Variants in GNG12 observed in about 807,000 individuals in gnomAD.
The protein encoded by GNG12 is guanine nucleotide-binding protein G(I)/G(S)/G(O) subunit gamma-12.
For missense variants in GNG12, 69 were observed against 83.8 expected (o/e 0.82, Z 0.69); for synonymous variants, 28 against 29.7 (o/e 0.94, Z 0.19).
intron 2 of GNG12, among the ~76,000 whole-genome samples, chr1:67,768,835 G>A (rs1646655994): frequency 6.6e-6 from 1 of 152,182 alleles, no homozygotes; most frequent in African/African-American, 2.4e-5. Flanking sequence ...GAGCCTGTTA[G>A]TTATTTCAAA....
At chr1:67,745,109 G>T (rs1002879916) in intron 2 of GNG12, among the ~76,000 whole-genome samples, 2 of 152,214 alleles carry the variant, frequency 1.3e-5, no homozygotes, top group African/African-American at 4.8e-5. Context: ...TTGGCACATG[G>T]TAAATATTTA....
At chr1:67,706,666 T>A (rs1339025346) in intron 3 of GNG12, among the ~76,000 whole-genome samples, 2 of 151,586 alleles carry the variant, frequency 1.3e-5, no homozygotes, top group Non-Finnish European at 2.9e-5. Context: ...CTTTTTTTTT[T>A]TTTTTTGAGA....
At chr1:67,747,663 G>A (rs987131798) in intron 2 of GNG12, among the ~76,000 whole-genome samples, 1 of 152,222 alleles carries the variant, frequency 6.6e-6, no homozygotes, top group African/African-American at 2.4e-5. Flanking sequence ...AATGCTATCT[G>A]CTTCTGGACA....
In GNG12 at chr1:67,704,026, T is replaced by C. The variant is rs529941295; in HGVS notation, c.*1425A>G. On this transcript the variant is annotated 3_prime_UTR_variant, in exon 4 of 4. Transcript: ENST00000370982. Reference sequence around the variant, plus strand: ...CCTAGTGTATGATTTGACTCCGAAGTGACCCTCTCTTCTACTTTGATAAAG... The same window carrying C: ...CCTAGTGTATGATTTGACTCCGAAGCGACCCTCTCTTCTACTTTGATAAAG... 2.6e-5 allele frequency: 4 copies of C among 152,362 alleles called. No individual in the cohort carries two copies. In the East Asian group the frequency reaches 5.8e-4, roughly 22 times the overall value. 9.4% of individuals were successfully genotyped at this position (152,362 alleles called of 1,614,324 possible). A position where few individuals can be genotyped will look rare whatever the true frequency, so the allele number is the denominator to read the frequency against.
intron 2 of GNG12, among the ~76,000 whole-genome samples, chr1:67,729,868 T>C (rs1646408970): frequency 6.6e-6 from 1 of 152,196 alleles, no homozygotes; most frequent in South Asian, 2.1e-4. Context: ...GCCAGATGTA[T>C]CTTCCTAAAA....
chr1:67,809,477 T>C (rs1027093377), intron 1 of GNG12, among the ~76,000 whole-genome samples: 1 of 152,062 alleles, frequency 6.6e-6, no homozygotes, highest in African/African-American at 2.4e-5. Context: ...CCAAAGACAA[T>C]GTCAAGAGAA....
chr1:67,771,384 A>G (rs1002027383), intron 2 of GNG12, among the ~76,000 whole-genome samples: 1 of 152,232 alleles, frequency 6.6e-6, no homozygotes, highest in African/African-American at 2.4e-5. Flanking sequence ...CAACTTGCCC[A>G]GGGTCACGCA....
chr1:67,827,280 C>T (rs1647016373), intron 1 of GNG12, among the ~76,000 whole-genome samples: 1 of 152,186 alleles, frequency 6.6e-6, no homozygotes. Context: ...TTCTGACTCT[C>T]TGGGCCCAAA....
chr1:67,786,387 C>T (rs1021669905), intron 1 of GNG12, among the ~76,000 whole-genome samples: 3 of 151,408 alleles, frequency 2.0e-5, no homozygotes, highest in South Asian at 2.1e-4. Flanking sequence ...CTAAATTGGA[C>T]GGTGGTCCCC....
At chr1:67,764,559 G>C (rs1646624848) in intron 2 of GNG12, among the ~76,000 whole-genome samples, 1 of 152,114 alleles carries the variant, frequency 6.6e-6, no homozygotes, top group Admixed American at 6.5e-5. Flanking sequence ...GCTCAGCATT[G>C]CAATTACCTG....
chr1:67,799,383 C>A (rs1428476952), intron 1 of GNG12, among the ~76,000 whole-genome samples: 1 of 152,180 alleles, frequency 6.6e-6, no homozygotes, highest in Non-Finnish European at 1.5e-5. Context: ...CTTTACTGTA[C>A]TTAGGATAAT....
chr1:67,771,097 C>T (rs917319940), intron 2 of GNG12, among the ~76,000 whole-genome samples: 1 of 152,030 alleles, frequency 6.6e-6, no homozygotes, highest in Non-Finnish European at 1.5e-5. Context: ...AAGTCATGGG[C>T]CTGATCAAGT....
rs1456559275 is a variant in GNG12, at chr1:67,833,451, G to T, written c.-184C>A. 2 of 985,098 alleles carry T rather than the reference G, an allele frequency of 2.0e-6. No individual in the cohort carries two copies. Among genetic ancestry groups the T allele is most frequent in the African/African-American group, 3.5e-5 (2 of 57,072 alleles). The allele number at this position is 985,098 out of a possible 1,614,324, so 61.0% of individuals were successfully genotyped here. On this transcript the variant is annotated 5_prime_UTR_variant, in exon 1 of 4. Coordinates refer to ENST00000370982, the MANE Select transcript of GNG12 (RefSeq NM_018841.6). ...TCCTCCTCCTCTTGCTCCTCCGGGC[G>T]CCGGCTCCGCCTCGCTGGGGTGGGC... is the stretch of plus-strand genomic sequence containing the variant.
intron 1 of GNG12, among the ~76,000 whole-genome samples, chr1:67,788,974 A>G (rs926777901): frequency 6.6e-6 from 1 of 152,216 alleles, no homozygotes; most frequent in African/African-American, 2.4e-5. Flanking sequence ...AGTGAATGAG[A>G]TAAAGGCTAT....
chr1:67,777,884 G>T (rs766941249), intron 1 of GNG12, among the ~76,000 whole-genome samples: 4 of 152,118 alleles, frequency 2.6e-5, no homozygotes, highest in Admixed American at 1.3e-4. Context: ...AATACTGGTG[G>T]TCCAACATAA....
At position 67,818,508 on chromosome 1, in the gene GNG12, A is replaced by T. The variant is rs1468446556; in HGVS notation, c.-77+14836T>A. Among the ~76,000 whole-genome samples, 5 of 146,676 alleles carry T rather than the reference A, an allele frequency of 3.4e-5. No homozygotes were observed. In the East Asian group the frequency reaches 1.1e-3, roughly 31 times the overall value. ...GCGAAAAGGAACTGCCAAAAATGGGACAAAATACAAGTCCAGTTCCTAATC... is the reference window on the plus strand; with the variant it reads ...GCGAAAAGGAACTGCCAAAAATGGGTCAAAATACAAGTCCAGTTCCTAATC... On this transcript the variant is annotated intron_variant, in intron 1 of 3. Transcript: ENST00000370982.
Position 67,763,510 on chromosome 1 carries a change from C to T in GNG12, c.-27+13948G>A, listed in dbSNP as rs867723256. Reference sequence around the variant, plus strand: ...AGGTTATGCACGTTTGGTAGGGATACCACAGAAATAAATATCCATCACTTT... The same window carrying T: ...AGGTTATGCACGTTTGGTAGGGATATCACAGAAATAAATATCCATCACTTT... On this transcript the variant is annotated intron_variant, in intron 2 of 3. Transcript: ENST00000370982. Among the ~76,000 whole-genome samples, 9 of 151,728 alleles carry T rather than the reference C, an allele frequency of 5.9e-5. No homozygotes were observed. The South Asian group carries it at 8.3e-4, about 14-fold the overall frequency.
At chr1:67,808,020 A>C (rs1235839948) in intron 1 of GNG12, among the ~76,000 whole-genome samples, 1 of 152,102 alleles carries the variant, frequency 6.6e-6, no homozygotes, top group East Asian at 1.9e-4. Flanking sequence ...AAAACTTAAG[A>C]GTATCTCTCA....
At chr1:67,775,785 C>T (rs748021387) in intron 2 of GNG12, among the ~76,000 whole-genome samples, 11 of 152,142 alleles carry the variant, frequency 7.2e-5, no homozygotes, top group Non-Finnish European at 1.3e-4. Context: ...CAGGCAAGAT[C>T]ACAGATGGCA....
Sources: gnomAD v4.1 joint callset for allele counts (sites outside exome capture counted in the v4.1 genomes callset) on GRCh38, gnomAD v4.1.1 for gene constraint, MANE v1.5 for transcripts, NCBI Gene and HGNC (gene_info 2026-07-23, HGNC 2026-07-21) for gene names.